The following SNX29 variants were observed in gnomAD, a reference collection of about 807,000 sequenced individuals.
The protein encoded by SNX29 is sorting nexin-29.
In SNX29, 78 loss-of-function variants were observed where a neutral mutation model predicts 102.1. That is an observed-to-expected ratio of 0.76 (90% CI 0.64 to 0.92). The LOEUF (loss-of-function observed/expected upper bound fraction) is 0.92. Among genes scored for constraint, SNX29 ranks in the 40% least tolerant of loss-of-function variants. The probability of loss-of-function intolerance (pLI) is 0.00; values close to 1 mark genes in which losing one functional copy is unlikely to be tolerated. For missense variants in SNX29, 1,280 were observed against 1,061.7 expected, an observed-to-expected ratio of 1.21 and a Z score of -2.86; for synonymous variants, 580 against 414.5, an observed-to-expected ratio of 1.40 and a Z score of -4.85.
intron 18 of SNX29, among the ~76,000 whole-genome samples, chr16:12,462,007 A>G (rs1214903090): frequency 4.9e-4 from 36 of 74,130 alleles, no homozygotes; most frequent in African/African-American, 1.3e-3. Context: ...ATATATATAT[A>G]TATATGTATA....
In SNX29 at chr16:12,567,002, G is replaced by A. The variant is rs375729980; in HGVS notation, c.2319-1504G>A. On this transcript the variant is annotated intron_variant, in intron 20 of 20. Transcript: ENST00000566228. ...GGCCATGTCCCTGGAAAGGTGCAAC[G>A]CAAAGTAGATCATTGTGAAGAGATT... is the stretch of plus-strand genomic sequence containing the variant. Among the ~76,000 whole-genome samples, 70 of 152,344 alleles carry A rather than the reference G, an allele frequency of 4.6e-4. 1 individual carries two copies. In the South Asian group the frequency reaches 5.4e-3, roughly 12 times the overall value.
intron 15 of SNX29, among the ~76,000 whole-genome samples, chr16:12,292,931 G>A (rs1017823466): frequency 1.3e-5 from 2 of 152,176 alleles, no homozygotes; most frequent in Admixed American, 1.3e-4. Context: ...ACGTCCAGCT[G>A]AGGAACTTTC....
intron 18 of SNX29, among the ~76,000 whole-genome samples, chr16:12,462,060 A>C (rs2086829285): frequency 7.2e-6 from 1 of 138,702 alleles, no homozygotes; most frequent in Non-Finnish European, 1.5e-5. Flanking sequence ...TATATGAGAA[A>C]ATATCCAGAC....
At chr16:12,037,855 T>C (rs1246837056) in intron 4 of SNX29, among the ~76,000 whole-genome samples, 1 of 151,922 alleles carries the variant, frequency 6.6e-6, no homozygotes, top group African/African-American at 2.4e-5. Context: ...CTCATGAGCC[T>C]GAGATGGGAA....
intron 15 of SNX29, among the ~76,000 whole-genome samples, chr16:12,311,183 GT>G (rs1260859344): frequency 1.3e-5 from 2 of 152,296 alleles, no homozygotes; most frequent in East Asian, 1.9e-4. Context: ...ACTTCAGGGA[GT>G]TTTTTTCTGA....
At chr16:12,066,278 C>G (rs2051033383) in intron 9 of SNX29, among the ~76,000 whole-genome samples, 1 of 152,124 alleles carries the variant, frequency 6.6e-6, no homozygotes, top group African/African-American at 2.4e-5. Context: ...TGGTATGGAG[C>G]CTTTGGACCA....
At chr16:12,285,959 G>C (rs547341224) in intron 15 of SNX29, among the ~76,000 whole-genome samples, 1 of 151,994 alleles carries the variant, frequency 6.6e-6, no homozygotes, top group Admixed American at 6.5e-5. Context: ...GGGTTCAAGT[G>C]ATTCTCCTGC....
At chr16:12,561,672 C>G (rs753005766) in intron 20 of SNX29, among the ~76,000 whole-genome samples, 2 of 152,202 alleles carry the variant, frequency 1.3e-5, no homozygotes, top group African/African-American at 2.4e-5. Context: ...TGAGGGTGCC[C>G]TCACACACAG....
intron 13 of SNX29, among the ~76,000 whole-genome samples, chr16:12,198,752 C>T (rs1163542498): frequency 6.6e-6 from 1 of 152,208 alleles, no homozygotes; most frequent in African/African-American, 2.4e-5. Flanking sequence ...CCGTATTTGT[C>T]CAACTCTTCT....
At chr16:12,369,902 G>T (rs550482365) in intron 16 of SNX29, among the ~76,000 whole-genome samples, 6 of 152,074 alleles carry the variant, frequency 3.9e-5, no homozygotes, top group African/African-American at 1.2e-4. Context: ...TTTTTTGAAC[G>T]ATTTCTTCTT....
chr16:12,324,432 G>GT (rs138771336), intron 15 of SNX29, among the ~76,000 whole-genome samples: 1,718 of 151,288 alleles, frequency 0.011, 28 homozygotes, highest in African/African-American at 0.038. Flanking sequence ...GCTGGCATCT[G>GT]TTTTTTGTTT....
At chr16:12,563,799 C>G (rs531010095) in intron 20 of SNX29, among the ~76,000 whole-genome samples, 3 of 152,214 alleles carry the variant, frequency 2.0e-5, no homozygotes, top group African/African-American at 7.2e-5. Flanking sequence ...ACTGCAACAC[C>G]CACCCATTTG....
intron 14 of SNX29, among the ~76,000 whole-genome samples, chr16:12,209,938 G>A (rs569194785): frequency 5.9e-5 from 9 of 152,354 alleles, no homozygotes; most frequent in African/African-American, 2.2e-4. Flanking sequence ...GGCGGAAAGA[G>A]TGTGGGCTCT....
At chr16:12,263,572 A>G (rs1321188552) in intron 14 of SNX29, among the ~76,000 whole-genome samples, 1 of 152,216 alleles carries the variant, frequency 6.6e-6, no homozygotes, top group Non-Finnish European at 1.5e-5. Context: ...CATGTGTACA[A>G]CAGGGCCATA....
intron 15 of SNX29, among the ~76,000 whole-genome samples, chr16:12,348,958 C>T (rs1457589178): frequency 6.6e-6 from 1 of 152,162 alleles, no homozygotes; most frequent in Non-Finnish European, 1.5e-5. Context: ...GTCACCATCG[C>T]CCCTCTGGGA....
intron 19 of SNX29, chr16:12,515,679 T>G (rs915150630): frequency 2.1e-6 from 1 of 475,524 alleles, no homozygotes; most frequent in Non-Finnish European, 4.2e-6. Flanking sequence ...CTCTTTATGA[T>G]GTATTCACGT....
At position 12,571,632 on chromosome 16, in the gene SNX29, C is replaced by T. The variant is rs2079189669; in HGVS notation, c.*3003C>T. On this transcript the variant is annotated 3_prime_UTR_variant, in exon 21 of 21. Coordinates refer to ENST00000566228, the MANE Select transcript of SNX29 (RefSeq NM_032167.5). Reference sequence around the variant, plus strand: ...TTCCATCTTTCACATCTTTTTTTCTCCCCCAGATGAAAGACGACTCAGGAA... The same window carrying T: ...TTCCATCTTTCACATCTTTTTTTCTTCCCCAGATGAAAGACGACTCAGGAA... The T allele has an allele frequency of 4.7e-6, 5 of 1,059,220 alleles. No homozygotes were observed. The highest frequency in any genetic ancestry group is 1.6e-5 in the African/African-American group (1 of 60,752). The allele number at this position is 1,059,220 out of a possible 1,614,324, so 65.6% of individuals were successfully genotyped here.
intron 15 of SNX29, among the ~76,000 whole-genome samples, chr16:12,322,684 C>T (rs377156709): frequency 7.4e-4 from 113 of 151,768 alleles, no homozygotes; most frequent in African/African-American, 2.5e-3. Flanking sequence ...ACCATTAGGA[C>T]GCGGTCGCTG....
At chr16:11,987,205 C>T (rs2055664455) in intron 1 of SNX29, among the ~76,000 whole-genome samples, 2 of 151,902 alleles carry the variant, frequency 1.3e-5, no homozygotes, top group African/African-American at 2.4e-5. Flanking sequence ...GCTGGGACTA[C>T]AGGTGTGTGC....
Sources: allele counts gnomAD v4.1 joint callset (sites outside exome capture counted in the v4.1 genomes callset), GRCh38; gene constraint gnomAD v4.1.1; transcripts MANE v1.5; gene names NCBI Gene and HGNC (gene_info 2026-07-23, HGNC 2026-07-21).